Variants in ADAMTSL1 observed in about 807,000 individuals in gnomAD.
The protein encoded by ADAMTSL1 is ADAMTS-like protein 1.
In ADAMTSL1, 126 loss-of-function variants were observed where a neutral mutation model predicts 201.8. That is an observed-to-expected ratio of 0.62 (90% CI 0.54 to 0.72). ADAMTSL1 has a LOEUF of 0.72. Among genes scored for constraint, ADAMTSL1 ranks in the 30% least tolerant of loss-of-function variants. The probability of loss-of-function intolerance (pLI) is 0.00; values close to 1 mark genes in which losing one functional copy is unlikely to be tolerated. For missense variants in ADAMTSL1, 2,679 were observed against 2,277.8 expected (o/e 1.18, Z -3.59); for synonymous variants, 1,121 against 903.4 (o/e 1.24, Z -4.32).
At chr9:18,335,157 C>T (rs1384245814) in intron 2 of ADAMTSL1, among the ~76,000 whole-genome samples, 1 of 152,068 alleles carries the variant, frequency 6.6e-6, no homozygotes, top group African/African-American at 2.4e-5. Context: ...GTCCTTCTTT[C>T]CAAGGGGCTC....
chr9:17,975,589 A>G (rs1383785139), intron 1 of ADAMTSL1, among the ~76,000 whole-genome samples: 1 of 152,036 alleles, frequency 6.6e-6, no homozygotes, highest in African/African-American at 2.4e-5. Context: ...GGGGGTCACA[A>G]ACATTGAGAC....
At chr9:18,750,841 G>A (rs1029510816) in intron 15 of ADAMTSL1, among the ~76,000 whole-genome samples, 10 of 152,286 alleles carry the variant, frequency 6.6e-5, no homozygotes, top group African/African-American at 1.4e-4. Context: ...AAGGTAGCTC[G>A]CTCACATGGC....
At chr9:18,333,654 G>A (rs1835119928) in intron 2 of ADAMTSL1, among the ~76,000 whole-genome samples, 1 of 152,054 alleles carries the variant, frequency 6.6e-6, no homozygotes, top group African/African-American at 2.4e-5. Flanking sequence ...TAAACCAGTT[G>A]CTGTAACTGA....
At chr9:18,044,291 G>A (rs1345545483) in intron 1 of ADAMTSL1, among the ~76,000 whole-genome samples, 1 of 151,926 alleles carries the variant, frequency 6.6e-6, no homozygotes, top group Non-Finnish European at 1.5e-5. Flanking sequence ...GTTGAGCCCT[G>A]AAGAGAAAAT....
chr9:18,755,375 A>C (rs573655501), intron 16 of ADAMTSL1, among the ~76,000 whole-genome samples: 1 of 152,228 alleles, frequency 6.6e-6, no homozygotes, highest in Non-Finnish European at 1.5e-5. Context: ...TATTAGGTAC[A>C]TAAGTTATGG....
chr9:18,805,865 C>A (rs1269581561), intron 20 of ADAMTSL1, among the ~76,000 whole-genome samples: 3 of 152,186 alleles, frequency 2.0e-5, no homozygotes, highest in African/African-American at 4.8e-5. Flanking sequence ...CTCATGAAAT[C>A]TCCAAACCTG....
chr9:18,284,087 G>C (rs913580741), intron 2 of ADAMTSL1, among the ~76,000 whole-genome samples: 9 of 151,116 alleles, frequency 6.0e-5, no homozygotes, highest in Non-Finnish European at 1.2e-4. Flanking sequence ...AAAATTAGCT[G>C]GGCGTGGTCA....
chr9:18,249,932 C>G (rs1200575320), intron 2 of ADAMTSL1, among the ~76,000 whole-genome samples: 1 of 152,004 alleles, frequency 6.6e-6, no homozygotes, highest in Non-Finnish European at 1.5e-5. Context: ...GAGGTATTCC[C>G]CAATGGAATC....
chr9:18,200,717 G>T (rs2132272698), intron 2 of ADAMTSL1, among the ~76,000 whole-genome samples: 1 of 152,030 alleles, frequency 6.6e-6, no homozygotes, highest in African/African-American at 2.4e-5. Context: ...CTTTCCAAAT[G>T]AGTTATGTTT....
intron 1 of ADAMTSL1, among the ~76,000 whole-genome samples, chr9:18,058,198 G>T (rs530826236): frequency 6.6e-6 from 1 of 152,246 alleles, no homozygotes; most frequent in Admixed American, 6.5e-5. Flanking sequence ...ACATTCTTTT[G>T]GTTTTTACAC....
chr9:18,853,029 T>C (rs1563859283), intron 23 of ADAMTSL1, among the ~76,000 whole-genome samples: 1 of 152,168 alleles, frequency 6.6e-6, no homozygotes, highest in Non-Finnish European at 1.5e-5. Context: ...CACTGAAATA[T>C]AGATGGTATT....
chr9:18,231,996 G>A (rs187829152), intron 2 of ADAMTSL1, among the ~76,000 whole-genome samples: 2 of 152,154 alleles, frequency 1.3e-5, no homozygotes, highest in Non-Finnish European at 2.9e-5. Flanking sequence ...CTTGTTCTCA[G>A]TAAGCAGCCA....
intron 1 of ADAMTSL1, among the ~76,000 whole-genome samples, chr9:17,964,114 A>C (rs1003399654): frequency 2.0e-5 from 3 of 152,204 alleles, no homozygotes; most frequent in African/African-American, 7.2e-5. Context: ...ATTGATCAAA[A>C]AGTTTACAAA....
chr9:18,734,671 C>A (rs558492628), intron 15 of ADAMTSL1, among the ~76,000 whole-genome samples: 71 of 152,312 alleles, frequency 4.7e-4, no homozygotes, highest in African/African-American at 1.6e-3. Context: ...ATGATGGATT[C>A]ACCTAATCCA....
chr9:17,927,379 T>C (rs1429050050), intron 1 of ADAMTSL1, among the ~76,000 whole-genome samples: 1 of 152,132 alleles, frequency 6.6e-6, no homozygotes. Flanking sequence ...TGCATATACA[T>C]GCACACATAT....
At chr9:18,694,129 C>A (rs1042285593) in intron 13 of ADAMTSL1, among the ~76,000 whole-genome samples, 3 of 152,082 alleles carry the variant, frequency 2.0e-5, no homozygotes, top group Admixed American at 2.0e-4. Flanking sequence ...GAGAACTCAC[C>A]ATCACGAGAA....
chr9:18,258,441 A>G (rs1831781023), intron 2 of ADAMTSL1, among the ~76,000 whole-genome samples: 1 of 152,216 alleles, frequency 6.6e-6, no homozygotes, highest in African/African-American at 2.4e-5. Context: ...TGGGGAATGC[A>G]GGGAGAGCCT....
intron 23 of ADAMTSL1, among the ~76,000 whole-genome samples, chr9:18,838,488 TA>T (rs1825480327): frequency 6.6e-6 from 1 of 150,976 alleles, no homozygotes; most frequent in African/African-American, 2.4e-5. Context: ...TCCTCAGAAT[TA>T]GATAGCCTCA....
intron 23 of ADAMTSL1, among the ~76,000 whole-genome samples, chr9:18,863,030 A>AGCCT (rs1250894845): frequency 6.6e-6 from 1 of 152,168 alleles, no homozygotes; most frequent in Non-Finnish European, 1.5e-5. Context: ...AATTTCCTAG[A>AGCCT]GCCTGCCTGC....
Sources: allele counts gnomAD v4.1 joint callset (sites outside exome capture counted in the v4.1 genomes callset), GRCh38; gene constraint gnomAD v4.1.1; transcripts MANE v1.5; gene names NCBI Gene and HGNC (gene_info 2026-07-23, HGNC 2026-07-21).